The following KAZN variants were observed in gnomAD, a reference collection of about 807,000 sequenced individuals.
KAZN encodes kazrin, periplakin interacting protein, also known as kazrin.
A neutral mutation model predicts 87.4 loss-of-function variants in KAZN; 40 were observed. The observed-to-expected ratio is 0.46, with a 90% CI of 0.36 to 0.60. The LOEUF (loss-of-function observed/expected upper bound fraction) is 0.60, where lower values mean the gene tolerates loss of function less well. KAZN is among the 20% of genes least tolerant of loss of function. The pLI, the probability that KAZN is intolerant of heterozygous loss-of-function variation, is 0.00. For synonymous variants in KAZN, 466 were observed against 458.3 expected, an observed-to-expected ratio of 1.02 and a Z score of -0.22; for missense variants, 898 against 1,073.9, an observed-to-expected ratio of 0.84 and a Z score of 2.29.
intron 2 of KAZN, among the ~76,000 whole-genome samples, chr1:14,574,158 AAGAAAGTGACTGTCATTCCCCT>A (rs1455293056): frequency 6.6e-6 from 1 of 152,180 alleles, no homozygotes; most frequent in Non-Finnish European, 1.5e-5. Flanking sequence ...AACAGGAAGG[AAGAAAGTGACTGTCATTCCCCT>A]CACCCCCACC....
intron 1 of KAZN, among the ~76,000 whole-genome samples, chr1:13,904,076 T>A (rs1459782145): frequency 6.6e-6 from 1 of 151,988 alleles, no homozygotes; most frequent in African/African-American, 2.4e-5. Context: ...TGAGGCAGGG[T>A]CTACAATGTC....
chr1:14,733,267 T>C (rs1334953642), intron 1 of KAZN, among the ~76,000 whole-genome samples: 1 of 152,046 alleles, frequency 6.6e-6, no homozygotes, highest in Non-Finnish European at 1.5e-5. Flanking sequence ...GGAGTTACCA[T>C]GAAAGCAAGT....
chr1:14,419,876 G>A (rs191632610), intron 2 of KAZN, among the ~76,000 whole-genome samples: 10 of 152,218 alleles, frequency 6.6e-5, no homozygotes, highest in East Asian at 3.9e-4. Flanking sequence ...AGCTCGCACA[G>A]ACAGTGAGAC....
chr1:14,954,158 C>G (rs1220362460), intron 1 of KAZN, among the ~76,000 whole-genome samples: 2 of 152,190 alleles, frequency 1.3e-5, no homozygotes, highest in East Asian at 3.9e-4. Context: ...GAGGGCAGCA[C>G]CATTGGTAAC....
chr1:13,935,252 G>GTAGTAGTAATAATAATAATAATAA lies in KAZN; in HGVS notation c.91+41498_91+41499insGTAGTAATAATAATAATAATAATA, dbSNP rs1553175647. ...AACTCCGTATCAAATAGTAGTAGTA[G>GTAGTAGTAATAATAATAATAATAA]TAATAATAATAATAATAAGCCTTCA... is the stretch of plus-strand genomic sequence containing the variant. On this transcript the variant is annotated intron_variant, in intron 1 of 16. Coordinates refer to the KAZN transcript ENST00000636203. 2.1e-3 allele frequency among the ~76,000 whole-genome samples: 316 copies of GTAGTAGTAATAATAATAATAATAA among 147,074 alleles called. 2 individuals carry two copies. The highest frequency in any genetic ancestry group is 7.1e-3 in the African/African-American group (285 of 40,040).
At chr1:14,695,334 C>T (rs1641534657) in intron 1 of KAZN, among the ~76,000 whole-genome samples, 1 of 151,930 alleles carries the variant, frequency 6.6e-6, no homozygotes, top group South Asian at 2.1e-4. Context: ...AAAATTGTCT[C>T]AGGAGTTAGC....
chr1:14,800,128 A>G (rs897863196), intron 1 of KAZN, among the ~76,000 whole-genome samples: 1 of 152,180 alleles, frequency 6.6e-6, no homozygotes, highest in African/African-American at 2.4e-5. Context: ...GGGAGGCAGA[A>G]TCCTAACCCA....
intron 1 of KAZN, among the ~76,000 whole-genome samples, chr1:14,013,710 C>A (rs981340182): frequency 6.6e-6 from 1 of 152,210 alleles, no homozygotes; most frequent in African/African-American, 2.4e-5. Flanking sequence ...TTGTGCCAAC[C>A]TTTCCATTGT....
chr1:15,001,748 C>CCAAAATGTTA (rs1381176573), intron 2 of KAZN, among the ~76,000 whole-genome samples: 1 of 152,058 alleles, frequency 6.6e-6, no homozygotes, highest in Admixed American at 6.6e-5. Context: ...CAGTGTGTTC[C>CCAAAATGTTA]CAAAATGTTA....
chr1:14,365,405 T>G (rs1428254441), intron 2 of KAZN, among the ~76,000 whole-genome samples: 3 of 150,030 alleles, frequency 2.0e-5, no homozygotes, highest in Admixed American at 2.0e-4. Context: ...ACCAGCTGTG[T>G]TGGATTAAGG....
chr1:15,004,300 A>G (rs985346046), intron 2 of KAZN, among the ~76,000 whole-genome samples: 1 of 152,174 alleles, frequency 6.6e-6, no homozygotes, highest in African/African-American at 2.4e-5. Context: ...TTATTGGTGC[A>G]TCTTATCCCA....
intron 2 of KAZN, among the ~76,000 whole-genome samples, chr1:14,269,673 A>G (rs1046541616): frequency 2.0e-5 from 3 of 152,228 alleles, no homozygotes; most frequent in Admixed American, 2.0e-4. Context: ...GAAGTTGTGG[A>G]AAATTCCGTG....
intron 1 of KAZN, among the ~76,000 whole-genome samples, chr1:14,830,416 T>G (rs1412211763): frequency 1.3e-5 from 2 of 152,140 alleles, no homozygotes; most frequent in Non-Finnish European, 2.9e-5. Flanking sequence ...TTGTCAGGCC[T>G]GAGTCAGGTG....
intron 7 of KAZN, 62 bp from the exon 8 acceptor site, chr1:15,065,568 C>A: frequency 1.4e-6 from 2 of 1,440,230 alleles, no homozygotes; most frequent in Non-Finnish European, 1.9e-6. Context: ...AGTCTGCACC[C>A]CAGCTAAGCT....
At chr1:14,120,525 C>T (rs1164357981) in intron 1 of KAZN, among the ~76,000 whole-genome samples, 2 of 152,170 alleles carry the variant, frequency 1.3e-5, no homozygotes, top group African/African-American at 4.8e-5. Flanking sequence ...TTTCATCTTA[C>T]CTCAAGGTTA....
intron 1 of KAZN, among the ~76,000 whole-genome samples, chr1:14,933,180 C>T (rs2101589735): frequency 6.6e-6 from 1 of 152,336 alleles, no homozygotes; most frequent in East Asian, 1.9e-4. Context: ...CAACCTCTGC[C>T]TCCTGGGTTC....
intron 2 of KAZN, among the ~76,000 whole-genome samples, chr1:14,418,224 G>A (rs1664994194): frequency 6.6e-6 from 1 of 151,892 alleles, no homozygotes; most frequent in African/African-American, 2.4e-5. Context: ...TCAAATTCAG[G>A]AAGATCTGAG....
At chr1:14,841,135 CG>C (rs1288847864) in intron 1 of KAZN, among the ~76,000 whole-genome samples, 1 of 152,038 alleles carries the variant, frequency 6.6e-6, no homozygotes, top group Non-Finnish European at 1.5e-5. Context: ...GAGCCATAAG[CG>C]GCCGGGTGTG....
chr1:15,093,799 G>A (rs1441987395), intron 8 of KAZN, among the ~76,000 whole-genome samples: 1 of 152,132 alleles, frequency 6.6e-6, no homozygotes. Flanking sequence ...ATATGAGGGA[G>A]GTGTGTAGCA....
Sources: gnomAD v4.1 joint callset for allele counts (sites outside exome capture counted in the v4.1 genomes callset) on GRCh38, gnomAD v4.1.1 for gene constraint, MANE v1.5 for transcripts, NCBI Gene and HGNC (gene_info 2026-07-23, HGNC 2026-07-21) for gene names.